KLHL25: variants seen among roughly 807,000 people sequenced by gnomAD.
The protein encoded by KLHL25 is kelch-like protein 25.
KLHL25 carries 41 observed loss-of-function variants against 30.0 expected under a neutral mutation model. The ratio of observed to expected loss-of-function variants is 1.37; its 90% CI spans 1.07 to 1.78. The LOEUF (loss-of-function observed/expected upper bound fraction) is 1.78, where lower values mean the gene tolerates loss of function less well. Ranked by LOEUF, KLHL25 falls within the 40% of genes most tolerant of loss-of-function variation. KLHL25 has a pLI of 0.00. For synonymous variants in KLHL25, 399 were observed against 355.3 expected, an observed-to-expected ratio of 1.12 and a Z score of -1.38; for missense variants, 971 against 824.5, an observed-to-expected ratio of 1.18 and a Z score of -2.18.
Position 85,768,952 on chromosome 15 carries a change from A to T in KLHL25, c.859T>A (p.Cys287Ser), listed in dbSNP as rs1235902272. The change falls in exon 2 of 3, where the codon TGT becomes AGT. Residue 287 changes from cysteine (C) to serine (S), a missense_variant. By Grantham distance (112) the Cys-to-Ser change is moderately radical. Coordinates refer to ENST00000337975, the MANE Select transcript of KLHL25 (RefSeq NM_022480.4). Reference sequence around the variant, plus strand: ...TGGCCCGCCTTGCGTGGCCGGGCACAGGGGCTGGTGACCACGCCATCATTC... The same window carrying T: ...TGGCCCGCCTTGCGTGGCCGGGCACTGGGGCTGGTGACCACGCCATCATTC... ...LQNDGVVTSP[C>S]ARPRKAGHTL... 2.5e-6 allele frequency: 4 copies of T among 1,613,232 alleles called. No individual in the cohort carries two copies. The highest frequency in any genetic ancestry group is 1.6e-4 in the Middle Eastern group (1 of 6,062).
At chr15:85,794,305 C>A (rs1255617087) in intron 1 of KLHL25, among the ~76,000 whole-genome samples, 1 of 152,242 alleles carries the variant, frequency 6.6e-6, no homozygotes. Flanking sequence ...CTTGTGAACC[C>A]CGGGCCCTCG....
intron 2 of KLHL25, among the ~76,000 whole-genome samples, chr15:85,767,546 T>C (rs1316033354): frequency 2.6e-5 from 4 of 152,222 alleles, no homozygotes; most frequent in African/African-American, 7.2e-5. Context: ...ATCTTTCCCC[T>C]ATAATAAACT....
Position 85,768,211 on chromosome 15 carries a change from G to C in KLHL25, c.1600C>G (p.Leu534Val), listed in dbSNP as rs1042048939. 8.1e-6 allele frequency: 13 copies of C among 1,614,088 alleles called. No homozygotes were observed. Among genetic ancestry groups the C allele is most frequent in the East Asian group, 2.2e-5 (1 of 44,896 alleles). Residue 534 changes from leucine to valine, a missense_variant, in exon 2 of 3, where the codon CTG becomes GTG. Coordinates refer to ENST00000337975, the MANE Select transcript of KLHL25 (RefSeq NM_022480.4). ...ACATAGAGCTTGTTGCCGGAAGCCA[G>C]GGCATGGCAGGACATGCGCTTGGCA... ...MTAKRMSCHA[L>V]ASGNKLYVVG...
Position 85,769,621 on chromosome 15 carries a change from G to C in KLHL25, c.190C>G (p.Leu64Val). 6.2e-7 allele frequency: 1 copy of C among 1,613,240 alleles called. No individual in the cohort carries two copies. Among genetic ancestry groups the C allele is most frequent in the Non-Finnish European group, 8.5e-7 (1 of 1,180,042 alleles). ...TCAAAATAGCGGCTAGAGGCGGCCAGCACGGCACGGTGACAGGGGAAGGCA... is the reference window on the plus strand; with the variant it reads ...TCAAAATAGCGGCTAGAGGCGGCCACCACGGCACGGTGACAGGGGAAGGCA... The part of the protein sequence containing the change: ...DRAFPCHRAV[L>V]AASSRYFEAM... The change falls in exon 2 of 3, where the codon CTG (leucine) becomes GTG (valine). Residue 64 changes from leucine to valine, a missense_variant. Transcript: ENST00000337975.
chr15:85,786,512 C>G (rs1466349923), intron 1 of KLHL25, among the ~76,000 whole-genome samples: 1 of 152,254 alleles, frequency 6.6e-6, no homozygotes, highest in African/African-American at 2.4e-5. Context: ...GTGGCCACTG[C>G]CCCTTTCTGG....
chr15:85,761,458 C>G (rs1461162466), intron 2 of KLHL25: 4 of 152,282 alleles, frequency 2.6e-5, no homozygotes, highest in African/African-American at 9.7e-5. Flanking sequence ...TCTTCTGGAG[C>G]TAGGTTGCTC....
At chr15:85,780,549 G>C (rs1302043744) in intron 1 of KLHL25, among the ~76,000 whole-genome samples, 1 of 152,204 alleles carries the variant, frequency 6.6e-6, no homozygotes, top group African/African-American at 2.4e-5. Flanking sequence ...TGAACCACCA[G>C]GAGTGACAGT....
At chr15:85,766,192 T>TC (rs2089623941) in intron 2 of KLHL25, among the ~76,000 whole-genome samples, 1 of 152,206 alleles carries the variant, frequency 6.6e-6, no homozygotes, top group Non-Finnish European at 1.5e-5. Flanking sequence ...CACGTGGGGA[T>TC]CACTGCCACC....
intron 1 of KLHL25, among the ~76,000 whole-genome samples, chr15:85,785,561 G>T (rs998147890): frequency 6.9e-6 from 1 of 145,292 alleles, no homozygotes; most frequent in Non-Finnish European, 1.5e-5. Flanking sequence ...ACCCAGCAAA[G>T]TCCTTTTTTT....
At chr15:85,765,590 C>T (rs1209228869) in intron 2 of KLHL25, among the ~76,000 whole-genome samples, 1 of 144,478 alleles carries the variant, frequency 6.9e-6, no homozygotes, top group African/African-American at 2.6e-5. Flanking sequence ...CGCACCATTA[C>T]ACTCCAGCCT....
At chr15:85,792,995 A>T (rs1049135049) in intron 1 of KLHL25, among the ~76,000 whole-genome samples, 6 of 152,132 alleles carry the variant, frequency 3.9e-5, no homozygotes, top group Non-Finnish European at 8.8e-5. Flanking sequence ...CTGTTCAAAC[A>T]ATGAATCAAT....
Position 85,768,133 on chromosome 15 carries a change from G to C in KLHL25, c.1678C>G (p.Pro560Ala), listed in dbSNP as rs1567237999. 1.9e-6 allele frequency: 3 copies of C among 1,614,100 alleles called. No homozygotes were observed. The highest frequency in any genetic ancestry group is 3.3e-5 in the Admixed American group (2 of 60,006). Residue 560 changes from proline (P) to alanine (A), a missense_variant, in exon 2 of 3, where the codon CCC becomes GCC. By Grantham distance (27) the Pro-to-Ala change is conservative. Coordinates refer to ENST00000337975, the MANE Select transcript of KLHL25 (RefSeq NM_022480.4). The stretch of plus-strand genomic sequence containing the variant: ...ATGCAGTTCCATGTATCTGAAGTGG[G>C]GTCATAGCAGTCCAGAGTCTTACAC... ...QRCKTLDCYDPTSDTWNCITT... is the reference protein window; with the variant it reads ...QRCKTLDCYDATSDTWNCITT...
In KLHL25 at chr15:85,789,865, G is replaced by A. The variant is rs1172031431; in HGVS notation, c.-11+4901C>T. Among the ~76,000 whole-genome samples, 1 of 152,178 alleles carries A rather than the reference G, an allele frequency of 6.6e-6. No individual in the cohort carries two copies. Among genetic ancestry groups the A allele is most frequent in the East Asian group, 1.9e-4 (1 of 5,196 alleles). Reference sequence around the variant, plus strand: ...CTTCGCAGGAGGCCTCAAACTCTGAGGCAGTGGGCAGGGACAGGGAACTGC... The same window carrying A: ...CTTCGCAGGAGGCCTCAAACTCTGAAGCAGTGGGCAGGGACAGGGAACTGC... On this transcript the variant is annotated intron_variant, in intron 1 of 2. Transcript: ENST00000337975. The surrounding 1 kb of genome is among the most constrained non-coding windows in gnomAD (Gnocchi z 4.1).
rs377559733 is a variant in KLHL25 at position 85,768,499 on chromosome 15, C to T, written c.1312G>A (p.Ala438Thr). Residue 438 changes from alanine (A) to threonine (T), a missense_variant, in exon 2 of 3, where the codon GCA (alanine) becomes ACA (threonine). Coordinates refer to ENST00000337975, the MANE Select transcript of KLHL25 (RefSeq NM_022480.4). ...AGCTTCAGCTTGGCACTCACCACTG[C>T]GGCATTGCTGACGCCATCCCGCAAG... ...APLRDGVSNA[A>T]VVSAKLKLFV... is the part of the protein sequence containing the mutation. The T allele has an allele frequency of 1.1e-5, 17 of 1,613,712 alleles. No homozygotes were observed. The highest frequency in any genetic ancestry group is 1.4e-5 in the Non-Finnish European group (16 of 1,180,008).
Position 85,760,408 on chromosome 15 carries a change from A to T in KLHL25, c.*628T>A, listed in dbSNP as rs942310090. ...CCTGAGTAGGTGGGCTGGGACTTAC[A>T]GCTTTGTGGAAGGGGCCCACAAACC... On this transcript the variant is annotated 3_prime_UTR_variant, in exon 3 of 3. Transcript: ENST00000337975. 6.6e-6 allele frequency: 1 copy of T among 152,226 alleles called. No individual in the cohort carries two copies. The highest frequency in any genetic ancestry group is 1.5e-5 in the Non-Finnish European group (1 of 68,064). 9.4% of individuals were successfully genotyped at this position (152,226 alleles called of 1,614,324 possible). A position where few individuals can be genotyped will look rare whatever the true frequency, so the allele number is the denominator to read the frequency against.
intron 1 of KLHL25, among the ~76,000 whole-genome samples, chr15:85,778,144 G>C (rs1254880573): frequency 2.0e-5 from 3 of 152,160 alleles, no homozygotes; most frequent in Non-Finnish European, 4.4e-5. Context: ...CCACTCCTAG[G>C]AACCCAGATG....
At chr15:85,780,142 G>A (rs921759378) in intron 1 of KLHL25, among the ~76,000 whole-genome samples, 2 of 152,138 alleles carry the variant, frequency 1.3e-5, no homozygotes, top group Admixed American at 1.3e-4. Flanking sequence ...CTCAGGTTGG[G>A]GGTGCTGCCC....
In KLHL25 at chr15:85,768,939, C is replaced by A. The variant is rs547566595; in HGVS notation, c.872G>T (p.Arg291Leu). 3.7e-6 allele frequency: 6 copies of A among 1,613,168 alleles called. No homozygotes were observed. The highest frequency in any genetic ancestry group is 2.2e-5 in the South Asian group (2 of 91,094). ...GVVTSPCARP[R>L]KAGHTLLILG... Reference sequence around the variant, plus strand: ...GATGAGTAGCGTGTGGCCCGCCTTGCGTGGCCGGGCACAGGGGCTGGTGAC... The same window carrying A: ...GATGAGTAGCGTGTGGCCCGCCTTGAGTGGCCGGGCACAGGGGCTGGTGAC... Residue 291 changes from arginine (R) to leucine (L), a missense_variant, in exon 2 of 3, where the codon CGC becomes CTC. Physicochemically the swap from Arg to Leu is moderately radical, Grantham distance 102. Coordinates refer to ENST00000337975, the MANE Select transcript of KLHL25 (RefSeq NM_022480.4).
chr15:85,767,960 T>A, intron 2 of KLHL25, 57 bp downstream of exon 2: 1 of 1,156,198 alleles, frequency 8.6e-7, no homozygotes, highest in Non-Finnish European at 1.2e-6. Flanking sequence ...GAGGTGGGAC[T>A]GCATTCCCCC....
Sources: allele counts gnomAD v4.1 joint callset (sites outside exome capture counted in the v4.1 genomes callset), GRCh38; gene constraint gnomAD v4.1.1; non-coding constraint Gnocchi (gnomAD v3.1); transcripts MANE v1.5; gene names NCBI Gene and HGNC (gene_info 2026-07-23, HGNC 2026-07-21).